The following TCHP variants were observed in gnomAD, a reference collection of about 807,000 sequenced individuals.
TCHP encodes the protein trichoplein keratin filament-binding protein.
A neutral mutation model predicts 88.7 loss-of-function variants in TCHP; 81 were observed. The observed-to-expected ratio is 0.91, with a 90% CI of 0.76 to 1.10. The LOEUF is 1.10. Ranked by LOEUF, TCHP falls within the 50% of genes least tolerant of loss-of-function variation. The probability of loss-of-function intolerance (pLI) is 0.00; values close to 1 mark genes in which losing one functional copy is unlikely to be tolerated. For missense variants in TCHP, 641 were observed against 632.1 expected (o/e 1.01, Z -0.15); for synonymous variants, 232 against 232.5 (o/e 1.00, Z 0.02).
chr12:109,899,676 T>C (rs993767584), upstream of TCHP, among the ~76,000 whole-genome samples: 15 of 152,318 alleles, frequency 9.8e-5, no homozygotes, highest in African/African-American at 3.4e-4. Context: ...CATCTACTTA[T>C]GCCAGCAGGC....
intron 1 of TCHP, among the ~76,000 whole-genome samples, chr12:109,901,507 A>G (rs969043972): frequency 6.6e-6 from 1 of 152,178 alleles, no homozygotes; most frequent in Admixed American, 6.5e-5. Context: ...CAGAATCTCA[A>G]CATATCAAAG....
chr12:109,893,314 G>A, the TCHP span, among the ~76,000 whole-genome samples: 2 of 151,534 alleles, frequency 1.3e-5, no homozygotes, highest in Admixed American at 6.6e-5. Context: ...GGGAGGCAGA[G>A]GCTGCATTAA....
intron 9 of TCHP, among the ~76,000 whole-genome samples, 187 bp downstream of exon 9, chr12:109,911,422 G>A (rs1870486368): frequency 6.6e-6 from 1 of 151,976 alleles, no homozygotes; most frequent in South Asian, 2.1e-4. Context: ...GATCAGCCTG[G>A]GCAACATGGC....
chr12:109,901,919 G>A (rs1365727816), intron 1 of TCHP, among the ~76,000 whole-genome samples: 2 of 152,066 alleles, frequency 1.3e-5, no homozygotes, highest in Non-Finnish European at 2.9e-5. Flanking sequence ...AACTCGCTCG[G>A]GTACAACAAC....
In TCHP at chr12:109,911,125, C is replaced by T. The variant is rs1394406939; in HGVS notation, c.942C>T (p.His314=). The T allele has an allele frequency of 6.3e-7, 1 of 1,597,014 alleles. No homozygotes were observed. Among genetic ancestry groups the T allele is most frequent in the Non-Finnish European group, 8.5e-7 (1 of 1,173,350 alleles). The part of the protein sequence containing the change: ...LEKEDESQRL[H]LARREQVMAD... ...AGGAGGACGAGAGCCAGCGCCTCCA[C>T]CTGGCCAGGCGGGAGCAGGTCATGG... is the stretch of plus-strand genomic sequence containing the variant. The change falls in exon 9 of 13, where the codon CAC becomes CAT. Residue 314 remains histidine, a synonymous_variant. Transcript: ENST00000405876.
chr12:109,903,327 G>T lies in TCHP; in HGVS notation c.188+113G>T, dbSNP rs1869925450. Reference sequence around the variant, plus strand: ...ATTTGCCAGGCAGTATGAATTACCTGCATGGTGATGTTTTTCCAGCTGGAA... The same window carrying T: ...ATTTGCCAGGCAGTATGAATTACCTTCATGGTGATGTTTTTCCAGCTGGAA... On this transcript the variant is annotated intron_variant, in intron 2 of 12. Transcript: ENST00000405876. The surrounding 1 kb of genome is among the most constrained non-coding windows in gnomAD (Gnocchi z 4.6). The T allele has an allele frequency of 2.2e-6, 2 of 921,444 alleles. No individual in the cohort carries two copies. Among genetic ancestry groups the T allele is most frequent in the African/African-American group, 1.6e-5 (1 of 60,728 alleles). 57.1% of individuals were successfully genotyped at this position (921,444 alleles called of 1,614,324 possible).
the TCHP span, among the ~76,000 whole-genome samples, chr12:109,889,974 A>G: frequency 6.6e-6 from 1 of 152,236 alleles, no homozygotes; most frequent in Non-Finnish European, 1.5e-5. Context: ...GCACCCGCCA[A>G]CAGGCCCACT....
chr12:109,888,961 T>G, the TCHP span, among the ~76,000 whole-genome samples: 1 of 150,594 alleles, frequency 6.6e-6, no homozygotes, highest in African/African-American at 2.4e-5. Flanking sequence ...CTTGGGAGGC[T>G]GAGGTGGGAG....
chr12:109,908,565 T>C, intron 6 of TCHP, 21 bp from the exon 7 acceptor site: 1 of 1,574,170 alleles, frequency 6.4e-7, no homozygotes. Flanking sequence ...TCAGTCGAGC[T>C]TACTCTCATC....
chr12:109,911,743 A>G (rs1268340382), intron 9 of TCHP, among the ~76,000 whole-genome samples: 1 of 151,942 alleles, frequency 6.6e-6, no homozygotes, highest in East Asian at 1.9e-4. Flanking sequence ...GGTGGAAATC[A>G]TTAAGGTTTA....
chr12:109,893,912 G>A, the TCHP span, among the ~76,000 whole-genome samples: 1 of 152,110 alleles, frequency 6.6e-6, no homozygotes, highest in Non-Finnish European at 1.5e-5. Flanking sequence ...GGCCAGGCAC[G>A]GTGGCTCATG....
chr12:109,882,489 C>T, the TCHP span, among the ~76,000 whole-genome samples: 31 of 143,904 alleles, frequency 2.2e-4, 1 homozygote, highest in South Asian at 6.2e-3. Context: ...CTTAAGGTAA[C>T]AAAGAGCTTA....
chr12:109,897,650 A>T (rs58003798), upstream of TCHP, among the ~76,000 whole-genome samples: 22,634 of 150,580 alleles, frequency 0.15, 2,766 homozygotes, highest in African/African-American at 0.34. Flanking sequence ...AACCTCTGCC[A>T]CCTGGGTTCA....
At chr12:109,888,339 C>T in the TCHP span, 1 of 152,224 alleles carries the variant, frequency 6.6e-6, no homozygotes, top group Admixed American at 6.5e-5. Flanking sequence ...CACAGAGGAG[C>T]CACCTCATCT....
the TCHP span, among the ~76,000 whole-genome samples, chr12:109,882,389 G>T: frequency 4.1e-5 from 6 of 147,948 alleles, no homozygotes; most frequent in Admixed American, 3.4e-4. Flanking sequence ...AGCCAAGACC[G>T]TGCCATTGCA....
chr12:109,881,548 C>T, the TCHP span, among the ~76,000 whole-genome samples: 1 of 152,356 alleles, frequency 6.6e-6, no homozygotes, highest in African/African-American at 2.4e-5. Flanking sequence ...CCTCTACGCT[C>T]AAGCCTGCTC....
upstream of TCHP, among the ~76,000 whole-genome samples, chr12:109,898,795 TTTTA>T (rs995052655): frequency 5.3e-5 from 8 of 152,286 alleles, no homozygotes; most frequent in East Asian, 1.2e-3. Flanking sequence ...AGCCTGCTAA[TTTTA>T]TTTATTTATT....
At position 109,909,067 on chromosome 12, in the gene TCHP, G is replaced by A. The variant is rs140576572; in HGVS notation, c.879+130G>A. 6.7e-4 allele frequency: 555 copies of A among 822,784 alleles called. 1 individual carries two copies. Among genetic ancestry groups the A allele is most frequent in the Middle Eastern group, 1.2e-3 (5 of 4,064 alleles). The allele number at this position is 822,784 out of a possible 1,614,324, so 51.0% of individuals were successfully genotyped here. ...GGGGTTGGGGGAAAGGGGAGATGTT[G>A]GTCAAAGGATACATCCCTCGGTTGG... On this transcript the variant is annotated intron_variant, in intron 8 of 12. Coordinates refer to ENST00000405876, the MANE Select transcript of TCHP (RefSeq NM_001143852.2).
chr12:109,911,246 G>T lies in TCHP; in HGVS notation c.1052+11G>T. On this transcript the variant is annotated intron_variant, in intron 9 of 12. Coordinates refer to ENST00000405876, the MANE Select transcript of TCHP (RefSeq NM_001143852.2). ...GCAGATGCTGCTGAGGTGAGTGGCA[G>T]CTGCTGACTGGGCTGGATGCTCCTG... 1 of 1,459,664 alleles carries T rather than the reference G, an allele frequency of 6.9e-7. No homozygotes were observed. Among genetic ancestry groups the T allele is most frequent in the Non-Finnish European group, 9.3e-7 (1 of 1,070,672 alleles). 90.4% of individuals were successfully genotyped at this position (1,459,664 alleles called of 1,614,324 possible). A position where few individuals can be genotyped will look rare whatever the true frequency, so the allele number is the denominator to read the frequency against.
Sources: allele counts gnomAD v4.1 joint callset (sites outside exome capture counted in the v4.1 genomes callset), GRCh38; gene constraint gnomAD v4.1.1; non-coding constraint Gnocchi (gnomAD v3.1); transcripts MANE v1.5; gene names NCBI Gene and HGNC (gene_info 2026-07-23, HGNC 2026-07-21).